CUX2: variants seen among roughly 807,000 people sequenced by gnomAD.
The protein encoded by CUX2 is cut like homeobox 2.
A neutral mutation model predicts 144.8 loss-of-function variants in CUX2; 40 were observed. The ratio of observed to expected loss-of-function variants is 0.28; its 90% CI spans 0.21 to 0.36. The LOEUF (loss-of-function observed/expected upper bound fraction) is 0.36, where lower values mean the gene tolerates loss of function less well. Among genes scored for constraint, CUX2 ranks in the 10% least tolerant of loss-of-function variants. The pLI is 1.00. For missense variants in CUX2, 1,615 were observed against 1,994.0 expected, an observed-to-expected ratio of 0.81 and a Z score of 3.62; for synonymous variants, 827 against 875.6, an observed-to-expected ratio of 0.94 and a Z score of 0.98.
At chr12:111,140,832 G>A (rs1876268976) in intron 1 of CUX2, among the ~76,000 whole-genome samples, 2 of 152,188 alleles carry the variant, frequency 1.3e-5, no homozygotes, top group Admixed American at 1.3e-4. Flanking sequence ...CTCTAAAGTG[G>A]CATCATTTCT....
chr12:111,232,924 G>C (rs1882552172), intron 3 of CUX2, among the ~76,000 whole-genome samples: 1 of 152,198 alleles, frequency 6.6e-6, no homozygotes, highest in African/African-American at 2.4e-5. Context: ...TTGTAATTCA[G>C]ACACTCGCAC....
chr12:111,336,408 C>G (rs1888351566), intron 19 of CUX2, among the ~76,000 whole-genome samples: 2 of 147,952 alleles, frequency 1.4e-5, no homozygotes, highest in South Asian at 4.4e-4. Flanking sequence ...CCATTGGCCT[C>G]TCAGACACTT....
intron 1 of CUX2, among the ~76,000 whole-genome samples, chr12:111,121,975 G>A (rs767701486): frequency 1.3e-5 from 2 of 151,448 alleles, no homozygotes; most frequent in South Asian, 4.2e-4. Context: ...GTTAAATTCC[G>A]TTTCCACAGC....
chr12:111,307,055 C>T lies in CUX2; in HGVS notation c.993C>T (p.Ser331=), dbSNP rs763158294. The change falls in exon 11 of 22, where the codon TCC becomes TCT. Residue 331 remains serine, a synonymous_variant. Coordinates refer to ENST00000261726, the MANE Select transcript of CUX2 (RefSeq NM_015267.4). The surrounding 1 kb of genome is among the most constrained non-coding windows in gnomAD (Gnocchi z 4.1). ...CACTGCAGGAGCTGGAGGAGGCATC[C>T]GCCAACCAGATCGCCGACCTGGAGC... is the stretch of plus-strand genomic sequence containing the variant. ...QSSLQELEEA[S]ANQIADLERQ... is the part of the protein sequence containing the mutation. 47 of 1,613,514 alleles carry T rather than the reference C, an allele frequency of 2.9e-5. No individual in the cohort carries two copies. The highest frequency in any genetic ancestry group is 1.5e-4 in the African/African-American group (11 of 74,932).
At chr12:111,229,342 T>C (rs1245541190) in intron 3 of CUX2, among the ~76,000 whole-genome samples, 2 of 152,184 alleles carry the variant, frequency 1.3e-5, no homozygotes, top group Admixed American at 6.5e-5. Context: ...TCTTTCTAGA[T>C]GTGGGTGTCC....
rs1884921579 is a variant in CUX2 at position 111,277,227 on chromosome 12, C to T, written c.301+13388C>T. Among the ~76,000 whole-genome samples the T allele has an allele frequency of 6.6e-6, 1 of 152,158 alleles. No individual in the cohort carries two copies. Among genetic ancestry groups the T allele is most frequent in the Non-Finnish European group, 1.5e-5 (1 of 68,010 alleles). ...CCACCCTCGGCCATAGCACCCCGCC[C>T]TCCCAGCCTGCGCAGGGAGGGGAAA... On this transcript the variant is annotated intron_variant, in intron 4 of 21. Transcript: ENST00000261726. The surrounding 1 kb of genome is among the most constrained non-coding windows in gnomAD (Gnocchi z 5.0).
intron 18 of CUX2, among the ~76,000 whole-genome samples, chr12:111,333,416 T>C (rs556917390): frequency 6.6e-6 from 1 of 152,168 alleles, no homozygotes; most frequent in African/African-American, 2.4e-5. Context: ...TATGTAAATT[T>C]CTTTTCCCTG....
intron 1 of CUX2, among the ~76,000 whole-genome samples, chr12:111,173,145 G>A (rs1878647767): frequency 6.6e-6 from 1 of 152,226 alleles, no homozygotes; most frequent in Non-Finnish European, 1.5e-5. Flanking sequence ...TTCTTCTTGA[G>A]GGATGTTCAG....
chr12:111,325,507 A>C (rs937204226), intron 18 of CUX2, among the ~76,000 whole-genome samples: 1 of 152,162 alleles, frequency 6.6e-6, no homozygotes, highest in Non-Finnish European at 1.5e-5. Context: ...TGGCAGACCT[A>C]GGATGAGCAC....
chr12:111,345,539 C>G (rs146472307), intron 21 of CUX2, among the ~76,000 whole-genome samples: 2,505 of 150,252 alleles, frequency 0.017, 84 homozygotes, highest in African/African-American at 0.057. Flanking sequence ...GTCAGGAGAT[C>G]GAGACCATCC....
chr12:111,178,465 G>A lies in CUX2; in HGVS notation c.64-35735G>A, dbSNP rs1056045955. 4.6e-5 allele frequency among the ~76,000 whole-genome samples: 7 copies of A among 152,140 alleles called. No individual in the cohort carries two copies. Among genetic ancestry groups the A allele is most frequent in the African/African-American group, 1.7e-4 (7 of 41,412 alleles). ...GTTCCACAACTTCCTTGGCTCAAGG[G>A]TGGACTTATGACCCGGTCCAGCCAC... On this transcript the variant is annotated intron_variant, in intron 1 of 21. Transcript: ENST00000261726. The surrounding 1 kb of genome is among the most constrained non-coding windows in gnomAD (Gnocchi z 5.7).
At chr12:111,169,218 G>A (rs1466339493) in intron 1 of CUX2, among the ~76,000 whole-genome samples, 1 of 152,054 alleles carries the variant, frequency 6.6e-6, no homozygotes, top group Admixed American at 6.6e-5. Context: ...GGATGGGAGC[G>A]ATGCCACAAG....
At chr12:111,262,056 A>G (rs910228544) in intron 3 of CUX2, among the ~76,000 whole-genome samples, 1 of 152,080 alleles carries the variant, frequency 6.6e-6, no homozygotes, top group African/African-American at 2.4e-5. Flanking sequence ...CTGTTACCAA[A>G]CTGGGTCAGC....
rs200188128 is a variant in CUX2 at position 111,322,531 on chromosome 12, C to T, written c.2877C>T (p.Leu959=). The T allele has an allele frequency of 1.2e-6, 2 of 1,609,562 alleles. No homozygotes were observed. The highest frequency in any genetic ancestry group is 1.3e-5 in the African/African-American group (1 of 74,914). Residue 959 remains leucine, a synonymous_variant, in exon 18 of 22, where the codon CTC becomes CTT. Coordinates refer to ENST00000261726, the MANE Select transcript of CUX2 (RefSeq NM_015267.4). This position sits in a 1 kb window ranked among gnomAD's most constrained non-coding sequence, Gnocchi z 4.2. Reference sequence around the variant, plus strand: ...CCTTCATCCGCATGCAGCTGTGGCTCTCTGACCAGCTCGGCCAGGCAGTGG... The same window carrying T: ...CCTTCATCCGCATGCAGCTGTGGCTTTCTGACCAGCTCGGCCAGGCAGTGG... The part of the protein sequence containing the change: ...REPFIRMQLW[L]SDQLGQAVGQ...
chr12:111,338,606 A>G, intron 20 of CUX2, 132 bp downstream of exon 20: 1 of 750,636 alleles, frequency 1.3e-6, no homozygotes, highest in South Asian at 2.4e-5. Context: ...TGCATGAAAT[A>G]GCAACCTTGA....
At chr12:111,285,345 TC>T (rs1030544741) in intron 4 of CUX2, among the ~76,000 whole-genome samples, 1 of 152,080 alleles carries the variant, frequency 6.6e-6, no homozygotes, top group African/African-American at 2.4e-5. Flanking sequence ...TCATTCAAAT[TC>T]CCAGGGCAGA....
chr12:111,116,658 G>T (rs1411738942), intron 1 of CUX2, among the ~76,000 whole-genome samples: 1 of 152,172 alleles, frequency 6.6e-6, no homozygotes, highest in East Asian at 1.9e-4. Context: ...AGAGTCCTGT[G>T]GAGGACTCGA....
At chr12:111,266,444 C>T (rs890028669) in intron 4 of CUX2, among the ~76,000 whole-genome samples, 1 of 149,980 alleles carries the variant, frequency 6.7e-6, no homozygotes. Context: ...GCACTCCAGC[C>T]TGGGTGACAG....
At chr12:111,266,598 G>A (rs1348563886) in intron 4 of CUX2, among the ~76,000 whole-genome samples, 2 of 152,168 alleles carry the variant, frequency 1.3e-5, no homozygotes, top group Non-Finnish European at 2.9e-5. Flanking sequence ...CAGCAACCAT[G>A]AGAAACTGGG....
Sources: gnomAD v4.1 joint callset for allele counts (sites outside exome capture counted in the v4.1 genomes callset) on GRCh38, gnomAD v4.1.1 for gene constraint, Gnocchi (gnomAD v3.1) non-coding constraint, MANE v1.5 for transcripts, NCBI Gene and HGNC (gene_info 2026-07-23, HGNC 2026-07-21) for gene names.